PRELID2: variants seen among roughly 807,000 people sequenced by gnomAD.
PRELID2 encodes the protein PRELI domain containing 2.
A neutral mutation model predicts 28.4 loss-of-function variants in PRELID2; 25 were observed. The observed-to-expected ratio is 0.88, with a 90% CI of 0.64 to 1.23. PRELID2 has a LOEUF of 1.23. Among genes scored for constraint, PRELID2 ranks in the 50% most tolerant of loss-of-function variants. PRELID2 has a pLI of 0.00. For synonymous variants in PRELID2, 76 were observed against 71.6 expected, an observed-to-expected ratio of 1.06 and a Z score of -0.31; for missense variants, 201 against 214.4, an observed-to-expected ratio of 0.94 and a Z score of 0.39.
intron 1 of PRELID2, among the ~76,000 whole-genome samples, chr5:145,827,485 A>C (rs750073246): frequency 1.2e-4 from 19 of 152,234 alleles, no homozygotes; most frequent in Non-Finnish European, 2.4e-4. Flanking sequence ...CAACGCTGCC[A>C]TCTGTGAGGT....
chr5:145,816,807 C>T (rs1039126739), intron 4 of PRELID2, among the ~76,000 whole-genome samples: 19 of 152,060 alleles, frequency 1.2e-4, no homozygotes, highest in African/African-American at 4.1e-4. Flanking sequence ...AAGAACTATA[C>T]ACTAAGAAAA....
At chr5:145,235,458 C>T in the PRELID2 span, among the ~76,000 whole-genome samples, 2 of 152,260 alleles carry the variant, frequency 1.3e-5, no homozygotes, top group Non-Finnish European at 2.9e-5. Flanking sequence ...AGCTACTGCC[C>T]TGGCTGGAAG....
intron 1 of PRELID2, among the ~76,000 whole-genome samples, chr5:145,696,949 A>C (rs1308381250): frequency 6.7e-6 from 1 of 149,930 alleles, no homozygotes; most frequent in Non-Finnish European, 1.5e-5. Flanking sequence ...AAGCCAAGAC[A>C]GGAAGAATAA....
chr5:145,582,497 A>T (rs970213353), intron 1 of PRELID2, among the ~76,000 whole-genome samples: 1 of 151,928 alleles, frequency 6.6e-6, no homozygotes, highest in African/African-American at 2.4e-5. Flanking sequence ...CCCCCAACAC[A>T]TGGGGATTAC....
chr5:145,735,479 T>C (rs933690055), intron 1 of PRELID2, among the ~76,000 whole-genome samples: 3 of 152,096 alleles, frequency 2.0e-5, no homozygotes, highest in Non-Finnish European at 4.4e-5. Context: ...TGACATGACA[T>C]AGTGTAAAGA....
chr5:145,522,599 A>G (rs1487813451), intron 1 of PRELID2, among the ~76,000 whole-genome samples: 4 of 152,210 alleles, frequency 2.6e-5, no homozygotes, highest in Admixed American at 2.6e-4. Context: ...TTGCCCCCAA[A>G]ATTATCACTC....
chr5:145,583,028 C>T (rs188740040), intron 1 of PRELID2, among the ~76,000 whole-genome samples: 30 of 152,120 alleles, frequency 2.0e-4, no homozygotes, highest in Middle Eastern at 6.8e-3. Context: ...TGAGCATCGA[C>T]GCAAAAATTC....
intron 1 of PRELID2, among the ~76,000 whole-genome samples, chr5:145,524,133 C>T (rs1752587156): frequency 2.0e-5 from 3 of 152,174 alleles, no homozygotes; most frequent in Admixed American, 1.3e-4. Context: ...AAGCACACCA[C>T]TCTGTGCCAG....
intron 1 of PRELID2, among the ~76,000 whole-genome samples, chr5:145,500,877 C>T (rs1313544332): frequency 6.6e-6 from 1 of 152,076 alleles, no homozygotes; most frequent in Non-Finnish European, 1.5e-5. Context: ...CTCTAACATT[C>T]CCTCTTGTCC....
chr5:145,575,706 G>C (rs1443864800), intron 1 of PRELID2, among the ~76,000 whole-genome samples: 2 of 152,036 alleles, frequency 1.3e-5, no homozygotes, highest in African/African-American at 4.8e-5. Context: ...ATCTATAAAA[G>C]TAGCCCTTCA....
At chr5:145,405,139 AG>A in the PRELID2 span, among the ~76,000 whole-genome samples, 1 of 152,208 alleles carries the variant, frequency 6.6e-6, no homozygotes, top group Non-Finnish European at 1.5e-5. Flanking sequence ...ACTCCCAATA[AG>A]GGGGGTATCT....
intron 1 of PRELID2, among the ~76,000 whole-genome samples, chr5:145,575,052 C>A (rs1753049050): frequency 6.6e-6 from 1 of 152,122 alleles, no homozygotes; most frequent in South Asian, 2.1e-4. Flanking sequence ...TGACTGAGAC[C>A]TTTGAGTGAT....
chr5:145,444,103 G>A, the PRELID2 span, among the ~76,000 whole-genome samples: 1 of 151,970 alleles, frequency 6.6e-6, no homozygotes, highest in African/African-American at 2.4e-5. Context: ...TCCTATTTAG[G>A]AGAGGATGTC....
intron 1 of PRELID2, among the ~76,000 whole-genome samples, chr5:145,637,967 C>T (rs1472663581): frequency 9.9e-5 from 15 of 152,212 alleles, no homozygotes; most frequent in African/African-American, 3.6e-4. Context: ...CGCACCACCA[C>T]ATCCAGCTAA....
At chr5:145,544,711 G>T (rs1288802260) in intron 1 of PRELID2, among the ~76,000 whole-genome samples, 4 of 152,038 alleles carry the variant, frequency 2.6e-5, no homozygotes, top group Admixed American at 1.3e-4. Flanking sequence ...GTTCACTGTT[G>T]TACACTAGAA....
chr5:145,711,824 G>GT (rs55889335), intron 1 of PRELID2, among the ~76,000 whole-genome samples: 25,056 of 152,046 alleles, frequency 0.16, 2,338 homozygotes, highest in African/African-American at 0.25. Context: ...CAGAGGCAGG[G>GT]TAGCACAGTG....
At chr5:145,399,178 C>T in the PRELID2 span, among the ~76,000 whole-genome samples, 1 of 152,028 alleles carries the variant, frequency 6.6e-6, no homozygotes, top group Admixed American at 6.6e-5. Context: ...GAGGAGTTTT[C>T]TTCTTACTCG....
At chr5:145,553,819 C>A (rs889532446) in intron 1 of PRELID2, among the ~76,000 whole-genome samples, 7 of 151,970 alleles carry the variant, frequency 4.6e-5, no homozygotes, top group Non-Finnish European at 1.0e-4. Context: ...AAATTGGATG[C>A]GGAGAAATTG....
rs900915797 is a variant in PRELID2, at chr5:145,661,709, C to T, written n.70+103222G>A. Among the ~76,000 whole-genome samples the T allele has an allele frequency of 2.0e-5, 3 of 148,722 alleles. No individual in the cohort carries two copies. The Admixed American group carries it at 2.0e-4, about 10-fold the overall frequency. The stretch of plus-strand genomic sequence containing the variant: ...AAAAAACATGTTATGCTTGCAAGTG[C>T]CATTTAGAAGGGAAAATACATTAGC... On this transcript the variant is annotated intron_variant and non_coding_transcript_variant, in intron 1 of 2. Coordinates refer to the PRELID2 transcript ENST00000510259.
Sources: allele counts gnomAD v4.1 joint callset (sites outside exome capture counted in the v4.1 genomes callset), GRCh38; gene constraint gnomAD v4.1.1; transcripts MANE v1.5; gene names NCBI Gene and HGNC (gene_info 2026-07-23, HGNC 2026-07-21).